Variants in ZNF540 observed in about 807,000 individuals in gnomAD.
ZNF540 encodes the protein zinc finger protein 540, also known as CTD-3064H18.6.
In ZNF540, 3 loss-of-function variants were observed where a neutral mutation model predicts 11.8. The ratio of observed to expected loss-of-function variants is 0.25; its 90% CI spans 0.12 to 0.65. ZNF540 has a LOEUF of 0.65. Among genes scored for constraint, ZNF540 ranks in the 30% least tolerant of loss-of-function variants. The pLI, the probability that ZNF540 is intolerant of heterozygous loss-of-function variation, is 0.83. For missense variants in ZNF540, 709 were observed against 793.1 expected (o/e 0.89, Z 1.27); for synonymous variants, 247 against 259.0 (o/e 0.95, Z 0.45).
chr19:37,590,236 C>T (rs1345254081), upstream of ZNF540, among the ~76,000 whole-genome samples: 1 of 151,338 alleles, frequency 6.6e-6, no homozygotes, highest in Non-Finnish European at 1.5e-5. Flanking sequence ...GAAACCCTGT[C>T]TCTAGTAAAA....
In ZNF540 at chr19:37,569,262, C is replaced by T. The variant is rs1442863848; in HGVS notation, c.-73+17597C>T. Among the ~76,000 whole-genome samples the T allele has an allele frequency of 6.6e-6, 1 of 151,990 alleles. No individual in the cohort carries two copies. The highest frequency in any genetic ancestry group is 2.4e-5 in the African/African-American group (1 of 41,400). On this transcript the variant is annotated intron_variant, in intron 1 of 4. Coordinates refer to the ZNF540 transcript ENST00000592533. This position sits in a 1 kb window ranked among gnomAD's most constrained non-coding sequence, Gnocchi z 4.4. ...GTCACTGCGCCTGGCCCCAAAGCAT[C>T]CGGAACCACAACAAAAACCTACTCA...
intron 1 of ZNF540, chr19:37,565,318 C>A (rs2042813975): frequency 6.2e-7 from 1 of 1,611,998 alleles, no homozygotes; most frequent in African/African-American, 1.3e-5. Flanking sequence ...GAAAAAAGGT[C>A]TTCCCGCATT....
At chr19:37,571,373 G>A (rs1488906171) in intron 1 of ZNF540, among the ~76,000 whole-genome samples, 2 of 152,022 alleles carry the variant, frequency 1.3e-5, no homozygotes, top group Admixed American at 6.5e-5. Context: ...GCAGGCACCT[G>A]TAATCCCAGC....
At chr19:37,578,858 T>C (rs1484082780) in intron 1 of ZNF540, among the ~76,000 whole-genome samples, 1 of 152,344 alleles carries the variant, frequency 6.6e-6, no homozygotes, top group South Asian at 2.1e-4. Flanking sequence ...AGGTTCTGTG[T>C]TCCTCTGGGG....
At chr19:37,580,072 T>C (rs573133003) in intron 1 of ZNF540, among the ~76,000 whole-genome samples, 1 of 152,356 alleles carries the variant, frequency 6.6e-6, no homozygotes, top group South Asian at 2.1e-4. Flanking sequence ...TAGACATTGA[T>C]ACCTGAATGT....
chr19:37,613,515 A>G lies in ZNF540; in HGVS notation c.*252A>G, dbSNP rs935784375. 3.7e-5 allele frequency: 15 copies of G among 403,184 alleles called. No individual in the cohort carries two copies. The highest frequency in any genetic ancestry group is 2.9e-4 in the African/African-American group (14 of 48,648). 25.0% of individuals were successfully genotyped at this position (403,184 alleles called of 1,614,324 possible). A position where few individuals can be genotyped will look rare whatever the true frequency, so the allele number is the denominator to read the frequency against. ...ATCATTGCCTTTCCACTACTCTACT[A>G]TCTGTGTGATATTAGACAAAATATT... is the stretch of plus-strand genomic sequence containing the variant. On this transcript the variant is annotated 3_prime_UTR_variant, in exon 5 of 5. Coordinates refer to ENST00000316433, the MANE Select transcript of ZNF540 (RefSeq NM_001172225.3).
rs763339431 is a variant in ZNF540 at position 37,612,379 on chromosome 19, A to T, written c.1099A>T (p.Ser367Cys). The change falls in exon 5 of 5, where the codon AGT becomes TGT. Residue 367 changes from serine (S) to cysteine (C), a missense_variant. Coordinates refer to ENST00000316433, the MANE Select transcript of ZNF540 (RefSeq NM_001172225.3). The stretch of plus-strand genomic sequence containing the variant: ...GGAATGTGGAAAGACCTTTAGACTT[A>T]GTTTTTACCTTACTGAACACAGAAG... Reference protein sequence around the residue: ...CKECGKTFRLSFYLTEHRRTH... With the variant: ...CKECGKTFRLCFYLTEHRRTH... 8 of 1,613,892 alleles carry T rather than the reference A, an allele frequency of 5.0e-6. No individual in the cohort carries two copies. In the Admixed American group the frequency reaches 1.3e-4, roughly 27 times the overall value.
intron 1 of ZNF540, among the ~76,000 whole-genome samples, chr19:37,581,379 C>T (rs2043454097): frequency 6.6e-6 from 1 of 152,092 alleles, no homozygotes; most frequent in African/African-American, 2.4e-5. Context: ...AAGCAACCGT[C>T]CTTTTTGACC....
At chr19:37,572,055 G>A (rs901880239) in intron 1 of ZNF540, among the ~76,000 whole-genome samples, 9 of 152,052 alleles carry the variant, frequency 5.9e-5, no homozygotes, top group African/African-American at 2.2e-4. Context: ...ACATCACAAT[G>A]AGAAAAATTC....
At chr19:37,579,336 C>T (rs1011899780) in intron 1 of ZNF540, among the ~76,000 whole-genome samples, 4 of 152,138 alleles carry the variant, frequency 2.6e-5, no homozygotes, top group Non-Finnish European at 4.4e-5. Context: ...ACTCTGCTGG[C>T]GCCTGACCAT....
At chr19:37,599,129 G>C (rs1221979270) in intron 2 of ZNF540, among the ~76,000 whole-genome samples, 2 of 152,146 alleles carry the variant, frequency 1.3e-5, no homozygotes, top group Non-Finnish European at 2.9e-5. Context: ...CTGTACTCCA[G>C]CGTGGGCAAC....
Position 37,612,712 on chromosome 19 carries a change from G to A in ZNF540, c.1432G>A (p.Val478Ile), listed in dbSNP as rs938770303. The A allele has an allele frequency of 1.6e-5, 26 of 1,613,920 alleles. No individual in the cohort carries two copies. Among genetic ancestry groups the A allele is most frequent in the Non-Finnish European group, 2.2e-5 (26 of 1,179,946 alleles). Residue 478 changes from valine (V) to isoleucine (I), a missense_variant, in exon 5 of 5, where the codon GTT (valine) becomes ATT (isoleucine). By Grantham distance (29) the Val-to-Ile change is conservative. Coordinates refer to ENST00000316433, the MANE Select transcript of ZNF540 (RefSeq NM_001172225.3). ...ECKECGKTFR[V>I]RSQISLHKKI... ...TAAGGAATGTGGGAAGACCTTTCGA[G>A]TTCGTTCTCAAATTAGTCTACATAA...
intron 1 of ZNF540, chr19:37,555,622 T>C (rs959475965): frequency 1.8e-5 from 8 of 432,738 alleles, no homozygotes; most frequent in African/African-American, 1.6e-4. Flanking sequence ...CTAAGAATGG[T>C]GGAGGAACAG....
intron 1 of ZNF540, chr19:37,560,597 C>T (rs1435361968): frequency 6.6e-6 from 1 of 152,004 alleles, no homozygotes; most frequent in African/African-American, 2.4e-5. Context: ...TCTTGAATTC[C>T]TGACCTCATG....
intron 1 of ZNF540, among the ~76,000 whole-genome samples, chr19:37,570,664 C>T (rs542297059): frequency 6.6e-6 from 1 of 152,244 alleles, no homozygotes; most frequent in Non-Finnish European, 1.5e-5. Context: ...CTGTTGTATA[C>T]ACTGATTGGC....
intron 1 of ZNF540, among the ~76,000 whole-genome samples, chr19:37,584,314 G>C (rs188634118): frequency 1.3e-5 from 2 of 152,292 alleles, no homozygotes; most frequent in Admixed American, 1.3e-4. Context: ...AGAAAGGTCT[G>C]AGAATTTAAA....
chr19:37,554,492 A>G (rs954504), intron 1 of ZNF540, among the ~76,000 whole-genome samples: 38,587 of 151,936 alleles, frequency 0.25, 5,591 homozygotes, highest in East Asian at 0.63. Context: ...GTCCCCATGT[A>G]TGTATCTTTT....
chr19:37,603,278 C>G (rs1175395955), intron 4 of ZNF540, among the ~76,000 whole-genome samples: 13 of 151,902 alleles, frequency 8.6e-5, no homozygotes, highest in Non-Finnish European at 1.5e-5. Flanking sequence ...AAGTGCTGGG[C>G]GTGAGCCACC....
At chr19:37,608,935 C>A (rs1165298019) in intron 4 of ZNF540, among the ~76,000 whole-genome samples, 1 of 152,132 alleles carries the variant, frequency 6.6e-6, no homozygotes, top group Non-Finnish European at 1.5e-5. Flanking sequence ...GCCACTGCGC[C>A]CGGCCAGTAT....
Sources: allele counts gnomAD v4.1 joint callset (sites outside exome capture counted in the v4.1 genomes callset), GRCh38; gene constraint gnomAD v4.1.1; non-coding constraint Gnocchi (gnomAD v3.1); transcripts MANE v1.5; gene names NCBI Gene and HGNC (gene_info 2026-07-23, HGNC 2026-07-21).